The following ZNF292 variants were observed in gnomAD, a reference collection of about 807,000 sequenced individuals.
The protein encoded by ZNF292 is 16 zinc-finger domain protein.
A neutral mutation model predicts 217.9 loss-of-function variants in ZNF292; 26 were observed. The ratio of observed to expected loss-of-function variants is 0.12; its 90% CI spans 0.09 to 0.17. ZNF292 has a LOEUF of 0.17. ZNF292 is among the 10% of genes least tolerant of loss of function. The pLI is 1.00. For missense variants in ZNF292, 2,904 were observed against 3,175.2 expected, an observed-to-expected ratio of 0.91 and a Z score of 2.05; for synonymous variants, 1,257 against 1,124.1, an observed-to-expected ratio of 1.12 and a Z score of -2.37.
intron 1 of ZNF292, among the ~76,000 whole-genome samples, chr6:87,205,574 A>G (rs1367832469): frequency 6.6e-6 from 1 of 152,084 alleles, no homozygotes; most frequent in African/African-American, 2.4e-5. Context: ...ATGATTCTTA[A>G]TAATCTTATT....
intron 5 of ZNF292, among the ~76,000 whole-genome samples, chr6:87,239,986 G>A (rs923071470): frequency 7.2e-5 from 11 of 152,270 alleles, no homozygotes; most frequent in African/African-American, 2.4e-4. Flanking sequence ...AGCACTTTGG[G>A]AGGCCAAGGC....
chr6:87,170,194 G>C (rs918578942), intron 1 of ZNF292: 2 of 152,100 alleles, frequency 1.3e-5, no homozygotes. Flanking sequence ...AAACATAAAA[G>C]CCTGATACTT....
chr6:87,226,639 CTATA>C (rs1425859546), intron 4 of ZNF292, among the ~76,000 whole-genome samples: 1 of 114,208 alleles, frequency 8.8e-6, no homozygotes, highest in Non-Finnish European at 1.7e-5. Flanking sequence ...GTATATATAT[CTATA>C]TATCTATATA....
intron 1 of ZNF292, among the ~76,000 whole-genome samples, chr6:87,179,098 A>G (rs1187623515): frequency 6.6e-6 from 1 of 151,652 alleles, no homozygotes; most frequent in African/African-American, 2.4e-5. Flanking sequence ...AAATATTAAT[A>G]TAAGATTATT....
chr6:87,156,866 G>A (rs926561830), intron 1 of ZNF292, among the ~76,000 whole-genome samples: 2 of 152,208 alleles, frequency 1.3e-5, no homozygotes, highest in Admixed American at 1.3e-4. Flanking sequence ...TCAAGGTAGT[G>A]TTGCTGGCTC....
chr6:87,247,300 CATGCAT>C (rs1282111661), intron 7 of ZNF292, among the ~76,000 whole-genome samples: 21 of 151,544 alleles, frequency 1.4e-4, no homozygotes, highest in African/African-American at 3.9e-4. Flanking sequence ...CACGTGCATG[CATGCAT>C]GCATGCACAA....
At chr6:87,232,932 G>A (rs1359442921) in intron 4 of ZNF292, among the ~76,000 whole-genome samples, 1 of 152,000 alleles carries the variant, frequency 6.6e-6, no homozygotes, top group Non-Finnish European at 1.5e-5. Context: ...GTTACTCATC[G>A]TGGAAGGTTG....
Position 87,261,243 on chromosome 6 carries a change from T to G in ZNF292, c.7614T>G (p.Asn2538Lys), listed in dbSNP as rs778061441. ...SNLKRVNKEK[N>K]VSQNKKRKVE... ...TGAAGAGAGTTAATAAGGAAAAAAA[T>G]GTCTCACAAAATAAAAAAAGGAAAG... Residue 2538 changes from asparagine (N) to lysine (K), a missense_variant, in exon 8 of 8, where the codon AAT becomes AAG. By Grantham distance (94) the Asn-to-Lys change is moderately conservative. Around this residue, in one of 15 missense-constraint regions of ZNF292, gnomAD observed 380 missense variants for 355.3 expected, o/e 1.07. Coordinates refer to ENST00000369577, the MANE Select transcript of ZNF292 (RefSeq NM_015021.3). 6.2e-7 allele frequency: 1 copy of G among 1,609,886 alleles called. No homozygotes were observed. Among genetic ancestry groups the G allele is most frequent in the Non-Finnish European group, 8.5e-7 (1 of 1,178,816 alleles).
intron 1 of ZNF292, among the ~76,000 whole-genome samples, chr6:87,211,230 T>C (rs890449694): frequency 6.6e-6 from 1 of 152,202 alleles, no homozygotes; most frequent in Non-Finnish European, 1.5e-5. Context: ...TTTACTCTAA[T>C]GGTTTGGTAG....
At chr6:87,224,448 T>TA (rs200524257) in intron 4 of ZNF292, among the ~76,000 whole-genome samples, 17,536 of 144,522 alleles carry the variant, frequency 0.12, 1,121 homozygotes, top group African/African-American at 0.18. Context: ...TTTCACTCCC[T>TA]AAAAAAAAAA....
In ZNF292 at chr6:87,259,041, C is replaced by T. The variant is rs778191672; in HGVS notation, c.5412C>T (p.Asn1804=). 1.2e-6 allele frequency: 2 copies of T among 1,613,408 alleles called. No individual in the cohort carries two copies. Among genetic ancestry groups the T allele is most frequent in the Non-Finnish European group, 1.7e-6 (2 of 1,179,632 alleles). Residue 1804 remains asparagine (N), a synonymous_variant, in exon 8 of 8, where the codon AAC becomes AAT. Transcript: ENST00000369577. Reference sequence around the variant, plus strand: ...CTTCAGTAAACACTGTGCAAAATAACAAATTACCCGATTCTTCTCCGTTTT... The same window carrying T: ...CTTCAGTAAACACTGTGCAAAATAATAAATTACCCGATTCTTCTCCGTTTT... The part of the protein sequence containing the change: ...QLPSVNTVQN[N]KLPDSSPFSS...
At chr6:87,163,671 A>G (rs558954600) in intron 1 of ZNF292, among the ~76,000 whole-genome samples, 1 of 152,268 alleles carries the variant, frequency 6.6e-6, no homozygotes, top group East Asian at 1.9e-4. Flanking sequence ...GGTAGTAAGC[A>G]TGGATTAAGA....
intron 1 of ZNF292, among the ~76,000 whole-genome samples, chr6:87,212,479 C>G (rs984812481): frequency 7.9e-5 from 12 of 152,178 alleles, no homozygotes; most frequent in Admixed American, 4.6e-4. Context: ...TTAAAGCTAT[C>G]TAGAAGCTCC....
intron 1 of ZNF292, among the ~76,000 whole-genome samples, chr6:87,155,961 G>T (rs1006589269): frequency 6.6e-6 from 1 of 152,222 alleles, no homozygotes; most frequent in African/African-American, 2.4e-5. Flanking sequence ...CTGGCTGGGG[G>T]AAGGGAGTTG....
chr6:87,215,909 C>G lies in ZNF292; in HGVS notation c.175C>G (p.Leu59Val), dbSNP rs1772730013. Residue 59 changes from leucine (L) to valine (V), a missense_variant, in exon 2 of 8, where the codon CTA becomes GTA. Physicochemically the swap from Leu to Val is conservative, Grantham distance 32. Coordinates refer to ENST00000369577, the MANE Select transcript of ZNF292 (RefSeq NM_015021.3). ...ATTATTCCTTCCAAAACAGACACTC[C>G]TAGAATATGCAGAGAAATGGAAAAC... ...DYCQQLCQTL[L>V]EYAEKWKTSE... 6.3e-7 allele frequency: 1 copy of G among 1,597,576 alleles called. No individual in the cohort carries two copies. Among genetic ancestry groups the G allele is most frequent in the East Asian group, 2.3e-5 (1 of 44,208 alleles).
chr6:87,202,197 T>G (rs1477424936), intron 1 of ZNF292, among the ~76,000 whole-genome samples: 2 of 152,238 alleles, frequency 1.3e-5, no homozygotes. Flanking sequence ...ATGTGGTATT[T>G]CCATTTATGC....
At chr6:87,192,723 CAT>C (rs148121194) in intron 1 of ZNF292, among the ~76,000 whole-genome samples, 1,650 of 152,260 alleles carry the variant, frequency 0.011, 20 homozygotes, top group African/African-American at 0.037. Context: ...AATAATGGCT[CAT>C]GTGAATGTTT....
chr6:87,260,922 C>T lies in ZNF292; in HGVS notation c.7293C>T (p.Cys2431=), dbSNP rs1465253914. Residue 2431 remains cysteine, a synonymous_variant, in exon 8 of 8, where the codon TGC becomes TGT. Transcript: ENST00000369577. The part of the protein sequence containing the change: ...RNLLIVFKRC[C]NSQVKETSEQ... ...TTCTTATTGTATTCAAACGGTGTTG[C>T]AACTCACAAGTAAAGGAAACGTCTG... 1.2e-5 allele frequency: 19 copies of T among 1,610,688 alleles called. No homozygotes were observed. The highest frequency in any genetic ancestry group is 1.5e-5 in the Non-Finnish European group (18 of 1,178,398).
chr6:87,246,217 C>T (rs759226599), intron 7 of ZNF292, among the ~76,000 whole-genome samples: 35 of 151,910 alleles, frequency 2.3e-4, no homozygotes, highest in Non-Finnish European at 3.8e-4. Flanking sequence ...GGCAACAGAG[C>T]GAGACTCCAT....
Sources: gnomAD v4.1 joint callset for allele counts (sites outside exome capture counted in the v4.1 genomes callset) on GRCh38, gnomAD v4.1.1 for gene constraint, gnomAD v4.1.1 regional missense constraint, MANE v1.5 for transcripts, NCBI Gene and HGNC (gene_info 2026-07-23, HGNC 2026-07-21) for gene names.